NCAPH: variants seen among roughly 807,000 people sequenced by gnomAD.
NCAPH encodes the protein condensin complex subunit 2.
A neutral mutation model predicts 85.5 loss-of-function variants in NCAPH; 38 were observed. That is an observed-to-expected ratio of 0.44 (90% CI 0.34 to 0.58). NCAPH has a LOEUF of 0.58. NCAPH is among the 20% of genes least tolerant of loss of function. The pLI, the probability that NCAPH is intolerant of heterozygous loss-of-function variation, is 0.01. For missense variants in NCAPH, 789 were observed against 916.6 expected, an observed-to-expected ratio of 0.86 and a Z score of 1.80; for synonymous variants, 301 against 335.1, an observed-to-expected ratio of 0.90 and a Z score of 1.11.
Position 96,344,114 on chromosome 2 carries a change from C to T in NCAPH, c.605C>T (p.Ala202Val), listed in dbSNP as rs1282758288. ...EVEGHVADGSATEMGTTKKAV... is the reference protein window; with the variant it reads ...EVEGHVADGSVTEMGTTKKAV... ...GTATTTCTCCTTTTAGATGGAAGTG[C>T]TACTGAAATGGGAACAACCAAAAAG... The change falls in exon 6 of 18, where the codon GCT (alanine) becomes GTT (valine). Residue 202 changes from alanine to valine, a missense_variant. Physicochemically the swap from Ala to Val is moderately conservative, Grantham distance 64. Transcript: ENST00000240423. The T allele has an allele frequency of 6.2e-7, 1 of 1,611,536 alleles. No individual in the cohort carries two copies. The highest frequency in any genetic ancestry group is 1.7e-5 in the Admixed American group (1 of 59,174).
chr2:96,348,190 C>CTTT (rs544549788), intron 6 of NCAPH, among the ~76,000 whole-genome samples: 3 of 139,520 alleles, frequency 2.2e-5, no homozygotes, highest in African/African-American at 5.2e-5. Context: ...AGGTCTCTCT[C>CTTT]TTTTTTTTTT....
intron 6 of NCAPH, among the ~76,000 whole-genome samples, chr2:96,345,691 A>G (rs1573069071): frequency 6.6e-6 from 1 of 152,206 alleles, no homozygotes; most frequent in Non-Finnish European, 1.5e-5. Context: ...TAACTGGGAC[A>G]TGGTGAAGTG....
chr2:96,354,669 A>G (rs961709302), intron 9 of NCAPH, among the ~76,000 whole-genome samples: 1 of 151,968 alleles, frequency 6.6e-6, no homozygotes, highest in South Asian at 2.1e-4. Flanking sequence ...ATTGAATTTG[A>G]TGTCTGATTG....
intron 13 of NCAPH, among the ~76,000 whole-genome samples, chr2:96,365,589 T>C (rs2064685897): frequency 6.6e-6 from 1 of 152,164 alleles, no homozygotes; most frequent in Non-Finnish European, 1.5e-5. Flanking sequence ...TAAAATGAAA[T>C]CCTAAATTTG....
Position 96,369,009 on chromosome 2 carries a change from C to T in NCAPH, c.2036C>T (p.Ala679Val). ...HREAGKEAALAEVADEKMLSG... is the reference protein window; with the variant it reads ...HREAGKEAALVEVADEKMLSG... ...GAAGCTGGAAAAGAAGCGGCCCTGG[C>T]AGAAGTGGCTGACGAGAAGATGCTT... is the stretch of plus-strand genomic sequence containing the variant. The change falls in exon 16 of 18, where the codon GCA becomes GTA. Residue 679 changes from alanine to valine, a missense_variant. By Grantham distance (64) the Ala-to-Val change is moderately conservative (BLOSUM62 0). Transcript: ENST00000240423. 6.4e-7 allele frequency: 1 copy of T among 1,556,766 alleles called. No homozygotes were observed. Among genetic ancestry groups the T allele is most frequent in the Non-Finnish European group, 8.7e-7 (1 of 1,149,704 alleles).
intron 6 of NCAPH, among the ~76,000 whole-genome samples, chr2:96,350,634 G>A (rs888050697): frequency 2.0e-5 from 3 of 152,152 alleles, no homozygotes; most frequent in Non-Finnish European, 4.4e-5. Context: ...AAAGGGATGG[G>A]AGAATGTGGA....
At chr2:96,368,014 A>C (rs1463420935) in intron 15 of NCAPH, among the ~76,000 whole-genome samples, 8 of 152,242 alleles carry the variant, frequency 5.3e-5, no homozygotes, top group Non-Finnish European at 8.8e-5. Flanking sequence ...AGTAATTATT[A>C]TACTGTCAGA....
intron 13 of NCAPH, among the ~76,000 whole-genome samples, 196 bp downstream of exon 13, chr2:96,364,787 GC>G (rs1045629873): frequency 1.8e-4 from 28 of 152,210 alleles, no homozygotes; most frequent in Admixed American, 7.2e-4. Context: ...ACCTTGGCCT[GC>G]CTTACCTCAC....
intron 9 of NCAPH, among the ~76,000 whole-genome samples, chr2:96,357,250 AC>A (rs765326182): frequency 6.6e-6 from 1 of 152,052 alleles, no homozygotes; most frequent in Non-Finnish European, 1.5e-5. Context: ...TGAAGGAGGG[AC>A]CCTGTGATAT....
intron 9 of NCAPH, among the ~76,000 whole-genome samples, chr2:96,356,860 C>T (rs138194465): frequency 2.0e-5 from 3 of 151,006 alleles, no homozygotes; most frequent in African/African-American, 7.3e-5. Flanking sequence ...AGATGCCTCA[C>T]GTTATTGGTC....
intron 6 of NCAPH, among the ~76,000 whole-genome samples, chr2:96,350,737 G>A (rs1008476609): frequency 1.2e-4 from 18 of 152,096 alleles, no homozygotes; most frequent in South Asian, 2.1e-4. Context: ...CTTGGACTCC[G>A]AGCTAAGGGG....
chr2:96,354,001 C>G (rs2064485768), intron 8 of NCAPH, among the ~76,000 whole-genome samples, 182 bp from the exon 9 acceptor site: 1 of 152,110 alleles, frequency 6.6e-6, no homozygotes, highest in Non-Finnish European at 1.5e-5. Flanking sequence ...TATAAACTTC[C>G]CCCTCACTGT....
At chr2:96,359,730 C>G (rs994518312) in intron 10 of NCAPH, among the ~76,000 whole-genome samples, 2 of 152,198 alleles carry the variant, frequency 1.3e-5, no homozygotes, top group African/African-American at 4.8e-5. Flanking sequence ...GCTTAAGCGT[C>G]CTCCCACCTC....
At chr2:96,361,826 A>ATT (rs1233132464) in intron 12 of NCAPH, among the ~76,000 whole-genome samples, 3 of 118,694 alleles carry the variant, frequency 2.5e-5, no homozygotes, top group Admixed American at 8.9e-5. Flanking sequence ...ATATATATAT[A>ATT]TATTTTTTTT....
chr2:96,367,507 G>T (rs1457788469), intron 15 of NCAPH, 134 bp downstream of exon 15: 11 of 611,182 alleles, frequency 1.8e-5, no homozygotes, highest in Non-Finnish European at 2.9e-5. Flanking sequence ...AAGGAGCTGG[G>T]CATGGTGGCT....
chr2:96,343,324 G>C lies in NCAPH; in HGVS notation c.595+20G>C, dbSNP rs2064320949. The C allele has an allele frequency of 6.2e-7, 1 of 1,603,428 alleles. No homozygotes were observed. The highest frequency in any genetic ancestry group is 1.3e-5 in the African/African-American group (1 of 74,600). On this transcript the variant is annotated intron_variant, in intron 5 of 17. Transcript: ENST00000240423. ...TTGCTGGTAGGTGGGTAGGGATCTG[G>C]ATTTAAGTGGCTCTTTTTAGGGCAT...
At chr2:96,347,763 A>C (rs2064381007) in intron 6 of NCAPH, among the ~76,000 whole-genome samples, 1 of 152,242 alleles carries the variant, frequency 6.6e-6, no homozygotes, top group African/African-American at 2.4e-5. Context: ...GATGAATGCC[A>C]GTGTTCTTAC....
rs896936328 is a variant in NCAPH, at chr2:96,342,508, T to A, written c.364-248T>A. ...GTTGTTTGGAGGGTGAGTCCCTTTGTGTGCAGTGCTTAGAGCAGGGCCTGC... is the reference window on the plus strand; with the variant it reads ...GTTGTTTGGAGGGTGAGTCCCTTTGAGTGCAGTGCTTAGAGCAGGGCCTGC... On this transcript the variant is annotated intron_variant, in intron 3 of 17. Coordinates refer to ENST00000240423, the MANE Select transcript of NCAPH (RefSeq NM_015341.5). Among the ~76,000 whole-genome samples the A allele has an allele frequency of 4.6e-5, 7 of 152,320 alleles. No homozygotes were observed. The South Asian group carries it at 1.4e-3, about 32-fold the overall frequency.
At position 96,359,987 on chromosome 2, in the gene NCAPH, G is replaced by C. The variant is rs555114939; in HGVS notation, c.1358-156G>C. ...AATTATAAGTTTAGGATGAAAAGAG[G>C]GTGTGTGATTGAGCACTCCTACTGT... is the stretch of plus-strand genomic sequence containing the variant. On this transcript the variant is annotated intron_variant, in intron 10 of 17. Transcript: ENST00000240423. Among the ~76,000 whole-genome samples the C allele has an allele frequency of 1.2e-4, 19 of 152,232 alleles. No homozygotes were observed. In the East Asian group the frequency reaches 1.4e-3, roughly 11 times the overall value.
Sources: allele counts gnomAD v4.1 joint callset (sites outside exome capture counted in the v4.1 genomes callset), GRCh38; gene constraint gnomAD v4.1.1; transcripts MANE v1.5; gene names NCBI Gene and HGNC (gene_info 2026-07-23, HGNC 2026-07-21).